The following FN3K variants were observed in gnomAD, a reference collection of about 807,000 sequenced individuals.
FN3K encodes fructosamine-3-kinase.
In FN3K, 24 loss-of-function variants were observed where a neutral mutation model predicts 24.8. The observed-to-expected ratio is 0.97, with a 90% CI of 0.70 to 1.36. The LOEUF is 1.36. FN3K is among the 40% of genes most tolerant of loss of function. FN3K has a pLI of 0.00. For synonymous variants in FN3K, 192 were observed against 175.2 expected (o/e 1.10, Z -0.76); for missense variants, 449 against 416.7 (o/e 1.08, Z -0.67).
chr17:82,737,024 G>A (rs1390635067), intron 1 of FN3K, among the ~76,000 whole-genome samples: 1 of 152,166 alleles, frequency 6.6e-6, no homozygotes, highest in Non-Finnish European at 1.5e-5. Flanking sequence ...AAGGCCGGGA[G>A]TTCCTGGCCT....
At chr17:82,741,119 G>C (rs111799031) in intron 3 of FN3K, 192 bp from the exon 4 acceptor site, 1 of 687,950 alleles carries the variant, frequency 1.5e-6, no homozygotes, top group Non-Finnish European at 2.6e-6. Flanking sequence ...ACCCAGCCCT[G>C]CTGTCTAGTG....
intron 4 of FN3K, chr17:82,742,839 C>G (rs537650759): frequency 2.4e-6 from 1 of 411,256 alleles, no homozygotes; most frequent in Non-Finnish European, 4.9e-6. Flanking sequence ...GTCTCCTTGT[C>G]GACGCCCGTC....
chr17:82,738,779 A>C, intron 2 of FN3K, 139 bp downstream of exon 2: 1 of 1,061,396 alleles, frequency 9.4e-7, no homozygotes, highest in Non-Finnish European at 1.4e-6. Context: ...AGCCGTCCAC[A>C]CAACTGCCCG....
At chr17:82,735,910 C>T in intron 1 of FN3K, 133 bp downstream of exon 1, 1 of 1,206,234 alleles carries the variant, frequency 8.3e-7, no homozygotes, top group Non-Finnish European at 1.2e-6. Flanking sequence ...GAGGTGGCAC[C>T]TGCTGGGTGA....
intron 5 of FN3K, chr17:82,749,245 G>C: frequency 1.9e-6 from 1 of 538,784 alleles, no homozygotes. Flanking sequence ...TGAAACACAG[G>C]TGCTTGTAAA....
intron 4 of FN3K, 48 bp downstream of exon 4, chr17:82,741,441 C>G: frequency 6.6e-7 from 1 of 1,507,132 alleles, no homozygotes; most frequent in Non-Finnish European, 9.2e-7. Flanking sequence ...TGCTGGTCAC[C>G]CACTCTTTAT....
intron 1 of FN3K, 45 bp downstream of exon 1, chr17:82,735,822 G>A: frequency 6.5e-7 from 1 of 1,532,598 alleles, no homozygotes; most frequent in Non-Finnish European, 8.8e-7. Flanking sequence ...TCTCTGCGGG[G>A]CCTGGGAAGG....
At chr17:82,745,172 C>G in intron 4 of FN3K, 1 of 163,200 alleles carries the variant, frequency 6.1e-6, no homozygotes, top group Non-Finnish European at 1.3e-5. Context: ...CAATACCTGG[C>G]TTTCCTAGGC....
At chr17:82,739,521 G>A (rs541905738) in intron 2 of FN3K, among the ~76,000 whole-genome samples, 47 of 147,128 alleles carry the variant, frequency 3.2e-4, no homozygotes, top group Non-Finnish European at 3.4e-4. Context: ...GCAGTGGCGC[G>A]ATCTTGGCTC....
At chr17:82,744,573 G>T (rs77714201) in intron 4 of FN3K, among the ~76,000 whole-genome samples, 3 of 151,858 alleles carry the variant, frequency 2.0e-5, no homozygotes, top group African/African-American at 7.3e-5. Context: ...GGTGTTTCTC[G>T]TTAGGTAGAA....
chr17:82,748,229 C>T (rs1407031463), intron 4 of FN3K, among the ~76,000 whole-genome samples: 2 of 151,592 alleles, frequency 1.3e-5, no homozygotes, highest in African/African-American at 4.9e-5. Flanking sequence ...GCTCACTGCA[C>T]CCTTTGCCTG....
Position 82,738,343 on chromosome 17 carries a change from T to C in FN3K, c.142-146T>C, listed in dbSNP as rs1598340373. 4 of 1,091,660 alleles carry C rather than the reference T, an allele frequency of 3.7e-6. No individual in the cohort carries two copies. The East Asian group carries it at 7.3e-5, about 20-fold the overall frequency. 67.6% of individuals were successfully genotyped at this position (1,091,660 alleles called of 1,614,324 possible). A position where few individuals can be genotyped will look rare whatever the true frequency, so the allele number is the denominator to read the frequency against. On this transcript the variant is annotated intron_variant, in intron 1 of 5. Transcript: ENST00000300784. Reference sequence around the variant, plus strand: ...GGGGGCCCCTCTGCACCCTGCCCTCTGTGGTGGACGCCAGCTCCCAGCCAG... The same window carrying C: ...GGGGGCCCCTCTGCACCCTGCCCTCCGTGGTGGACGCCAGCTCCCAGCCAG...
intron 2 of FN3K, among the ~76,000 whole-genome samples, chr17:82,739,355 C>G (rs2046927071): frequency 6.6e-6 from 1 of 152,036 alleles, no homozygotes; most frequent in Non-Finnish European, 1.5e-5. Flanking sequence ...GTGATGCAAT[C>G]TTGGCTCACT....
intron 1 of FN3K, chr17:82,737,958 G>T (rs2046913418): frequency 6.2e-6 from 1 of 161,588 alleles, no homozygotes; most frequent in Admixed American, 5.8e-5. Context: ...GAAGGCCCAG[G>T]TCCCACGGGA....
intron 1 of FN3K, among the ~76,000 whole-genome samples, chr17:82,737,183 GA>G (rs1316591849): frequency 6.6e-6 from 1 of 152,204 alleles, no homozygotes; most frequent in African/African-American, 2.4e-5. Flanking sequence ...TACTTTGAAG[GA>G]AAGGGCGTTC....
At chr17:82,744,502 A>G (rs2046957446) in intron 4 of FN3K, among the ~76,000 whole-genome samples, 1 of 152,138 alleles carries the variant, frequency 6.6e-6, no homozygotes, top group Admixed American at 6.6e-5. Flanking sequence ...AAATAGAATC[A>G]TGTGGTATGT....
chr17:82,735,692 GC>G lies in FN3K; in HGVS notation c.60del (p.Gly21AlafsTer54). The part of the protein sequence containing the change: ...LRTATLRAFG[G>X]PGAGCISEGR... Reference sequence around the variant, plus strand: ...ACCGCGACCCTGCGGGCCTTCGGCGGCCCCGGCGCCGGCTGCATCAGCGAGG... The same window carrying G: ...ACCGCGACCCTGCGGGCCTTCGGCGGCCCGGCGCCGGCTGCATCAGCGAGG... On this transcript the variant is annotated frameshift_variant, in exon 1 of 6. Coordinates refer to ENST00000300784, the MANE Select transcript of FN3K (RefSeq NM_022158.4). LOFTEE classifies it high-confidence loss of function. 6.5e-7 allele frequency: 1 copy of G among 1,543,376 alleles called. No homozygotes were observed.
rs1229371402 is a variant in FN3K, at chr17:82,750,644, C to T, written c.819C>T (p.Phe273=). 8 of 1,614,022 alleles carry T rather than the reference C, an allele frequency of 5.0e-6. No individual in the cohort carries two copies. The highest frequency in any genetic ancestry group is 6.8e-6 in the Non-Finnish European group (8 of 1,179,994). ...YHRKIPKAPG[F]DQRLLLYQLF... ...GGAAGATCCCCAAGGCTCCGGGCTT[C>T]GACCAGCGGCTGCTGCTCTACCAGC... The change falls in exon 6 of 6, where the codon TTC becomes TTT. Residue 273 remains phenylalanine (F), a synonymous_variant. Transcript: ENST00000300784.
chr17:82,739,655 C>T (rs951906016), intron 2 of FN3K, among the ~76,000 whole-genome samples: 10 of 152,058 alleles, frequency 6.6e-5, no homozygotes, highest in Admixed American at 2.6e-4. Flanking sequence ...GACGGGGTTT[C>T]ACCATGTTAG....
Sources: allele counts gnomAD v4.1 joint callset (sites outside exome capture counted in the v4.1 genomes callset), GRCh38; gene constraint gnomAD v4.1.1; transcripts MANE v1.5; gene names NCBI Gene and HGNC (gene_info 2026-07-23, HGNC 2026-07-21).